ERAP1: variants seen among roughly 807,000 people sequenced by gnomAD.
ERAP1 encodes endoplasmic reticulum aminopeptidase 1.
Under a neutral mutation model 103.7 loss-of-function variants are expected in ERAP1, and 86 were observed. The ratio of observed to expected loss-of-function variants is 0.83; its 90% CI spans 0.70 to 0.99. The LOEUF is 0.99. Ranked by LOEUF, ERAP1 falls within the 50% of genes least tolerant of loss-of-function variation. ERAP1 has a pLI of 0.00. For synonymous variants in ERAP1, 398 were observed against 402.4 expected (o/e 0.99, Z 0.13); for missense variants, 1,009 against 1,128.4 (o/e 0.89, Z 1.52).
At chr5:96,865,176 A>G in the ERAP1 span, among the ~76,000 whole-genome samples, 1 of 152,214 alleles carries the variant, frequency 6.6e-6, no homozygotes, top group Non-Finnish European at 1.5e-5. Flanking sequence ...CTTGTCTTCT[A>G]AATGAGTGAA....
upstream of ERAP1, among the ~76,000 whole-genome samples, chr5:96,810,623 T>G (rs528764707): frequency 4.6e-4 from 70 of 152,316 alleles, no homozygotes; most frequent in Non-Finnish European, 6.2e-4. Context: ...GGTTGGCCGG[T>G]TGAGCCCATC....
At chr5:96,829,702 T>C in the ERAP1 span, among the ~76,000 whole-genome samples, 1 of 152,216 alleles carries the variant, frequency 6.6e-6, no homozygotes, top group Non-Finnish European at 1.5e-5. Context: ...GAATTAGTGA[T>C]AGGCTATTTT....
Position 96,783,122 on chromosome 5 carries a change from G to T in ERAP1, c.2214C>A (p.His738Gln), listed in dbSNP as rs992279670. ...CCCTCTGTACGCACGGCTGATAGTT[G>T]TGCACACAGGCGAGGAGTAGTAGTT... ...RSQLLLLACV[H>Q]NYQPCVQRAE... Residue 738 changes from histidine (H) to glutamine (Q), a missense_variant, in exon 15 of 19, where the codon CAC becomes CAA. Coordinates refer to ENST00000443439, the MANE Select transcript of ERAP1 (RefSeq NM_001040458.3). 6.2e-7 allele frequency: 1 copy of T among 1,614,124 alleles called. No homozygotes were observed. Among genetic ancestry groups the T allele is most frequent in the African/African-American group, 1.3e-5 (1 of 75,010 alleles).
the ERAP1 span, among the ~76,000 whole-genome samples, chr5:96,932,487 T>G: frequency 1.3e-5 from 2 of 152,228 alleles, no homozygotes; most frequent in South Asian, 4.1e-4. Context: ...TATTCCATAT[T>G]CTTTTCGTGG....
intron 7 of ERAP1, among the ~76,000 whole-genome samples, chr5:96,793,123 G>C (rs1361464784): frequency 6.6e-6 from 1 of 152,172 alleles, no homozygotes; most frequent in African/African-American, 2.4e-5. Context: ...GGAACATTTA[G>C]GCTGCCATTA....
At chr5:96,902,244 G>GTCTATCTTTACTCTCTGTACCTA in the ERAP1 span, 47 of 1,454,174 alleles carry the variant, frequency 3.2e-5, no homozygotes, top group Non-Finnish European at 3.8e-5. Flanking sequence ...CATTCTTTTG[G>GTCTATCTTTACTCTCTGTACCTA]TCTGTAACTA....
chr5:96,862,210 T>A, the ERAP1 span, among the ~76,000 whole-genome samples: 2 of 152,182 alleles, frequency 1.3e-5, no homozygotes, highest in Non-Finnish European at 2.9e-5. Flanking sequence ...CAAGCTGGTC[T>A]CAAACTCCTG....
chr5:96,891,801 G>A, the ERAP1 span, among the ~76,000 whole-genome samples: 1 of 151,964 alleles, frequency 6.6e-6, no homozygotes, highest in Non-Finnish European at 1.5e-5. Context: ...AATATCAATC[G>A]AAATATTGAC....
the ERAP1 span, among the ~76,000 whole-genome samples, chr5:96,855,635 A>G: frequency 6.6e-6 from 1 of 152,196 alleles, no homozygotes; most frequent in East Asian, 1.9e-4. Flanking sequence ...GGGCGATGGC[A>G]TTTTGAAAAC....
At chr5:96,896,965 T>TAAGTCATATGTTGGGTAACGATAAACTG in the ERAP1 span, 1 of 987,684 alleles carries the variant, frequency 1.0e-6, no homozygotes, top group Non-Finnish European at 1.4e-6. Context: ...GTCAACCATA[T>TAAGTCATATGTTGGGTAACGATAAACTG]TTATTCTGCT....
the ERAP1 span, chr5:96,913,172 A>G: frequency 1.6e-6 from 1 of 632,894 alleles, no homozygotes; most frequent in East Asian, 3.1e-5. Flanking sequence ...AAAAAGTAAA[A>G]GTTTAATTGA....
At chr5:96,891,466 T>A in the ERAP1 span, among the ~76,000 whole-genome samples, 1 of 139,952 alleles carries the variant, frequency 7.1e-6, no homozygotes, top group East Asian at 2.1e-4. Context: ...CACACACATA[T>A]ACAGGTATAT....
the ERAP1 span, among the ~76,000 whole-genome samples, chr5:96,862,256 T>A: frequency 6.6e-6 from 1 of 152,240 alleles, no homozygotes; most frequent in African/African-American, 2.4e-5. Context: ...CCCAGAGTGC[T>A]GGGATTACAG....
intron 1 of ERAP1, among the ~76,000 whole-genome samples, chr5:96,806,600 T>C (rs1270435030): frequency 3.3e-5 from 5 of 151,176 alleles, no homozygotes; most frequent in Non-Finnish European, 7.4e-5. Context: ...ACTCCCTGCT[T>C]TTTCAGCTTC....
intron 2 of ERAP1, among the ~76,000 whole-genome samples, chr5:96,801,410 A>G (rs2150992128): frequency 6.6e-6 from 1 of 151,562 alleles, no homozygotes; most frequent in South Asian, 2.1e-4. Context: ...GTGACCTGAG[A>G]TTGCGCCATT....
the ERAP1 span, among the ~76,000 whole-genome samples, chr5:96,823,885 G>A: frequency 6.6e-6 from 1 of 152,114 alleles, no homozygotes; most frequent in African/African-American, 2.4e-5. Context: ...CTATTCTTGT[G>A]CTTTGAGGCT....
At chr5:96,786,093 CTT>C in intron 12 of ERAP1, 122 bp from the exon 13 acceptor site, 3 of 902,320 alleles carry the variant, frequency 3.3e-6, no homozygotes, top group South Asian at 1.5e-5. Flanking sequence ...GAAAACATCA[CTT>C]ATTTCTCTCA....
the ERAP1 span, among the ~76,000 whole-genome samples, chr5:96,927,454 T>G: frequency 3.9e-5 from 6 of 152,232 alleles, no homozygotes; most frequent in Non-Finnish European, 5.9e-5. Context: ...TATATCTTCT[T>G]TGGAGAAATA....
At chr5:96,930,929 T>C in the ERAP1 span, among the ~76,000 whole-genome samples, 2 of 152,162 alleles carry the variant, frequency 1.3e-5, no homozygotes, top group African/African-American at 4.8e-5. Context: ...GTCGTGGTTT[T>C]TTATTAGGCA....
Sources: gnomAD v4.1 joint callset for allele counts (sites outside exome capture counted in the v4.1 genomes callset) on GRCh38, gnomAD v4.1.1 for gene constraint, MANE v1.5 for transcripts, NCBI Gene and HGNC (gene_info 2026-07-23, HGNC 2026-07-21) for gene names.